The following GLDC variants were observed in gnomAD, a reference collection of about 807,000 sequenced individuals.
GLDC encodes the protein glycine decarboxylase.
In GLDC, 104 loss-of-function variants were observed where a neutral mutation model predicts 121.3. The ratio of observed to expected loss-of-function variants is 0.86; its 90% CI spans 0.73 to 1.01. The LOEUF is 1.01. Among genes scored for constraint, GLDC ranks in the 50% least tolerant of loss-of-function variants. The pLI is 0.00. For missense variants in GLDC, 1,429 were observed against 1,306.6 expected, an observed-to-expected ratio of 1.09 and a Z score of -1.44; for synonymous variants, 546 against 480.6, an observed-to-expected ratio of 1.14 and a Z score of -1.78.
At chr9:6,604,553 T>G (rs1818690651) in intron 7 of GLDC, 35 bp downstream of exon 7, 2 of 1,551,970 alleles carry the variant, frequency 1.3e-6, no homozygotes, top group African/African-American at 2.7e-5. Flanking sequence ...GAAATCATAA[T>G]CACAATAAAA....
intron 2 of GLDC, among the ~76,000 whole-genome samples, chr9:6,633,325 T>A (rs1819430078): frequency 1.3e-5 from 2 of 152,088 alleles, no homozygotes; most frequent in African/African-American, 4.8e-5. Flanking sequence ...TTCCCCACAC[T>A]CCATCCCTGG....
intron 2 of GLDC, among the ~76,000 whole-genome samples, chr9:6,632,783 T>C (rs955666997): frequency 6.6e-6 from 1 of 152,224 alleles, no homozygotes; most frequent in African/African-American, 2.4e-5. Flanking sequence ...CTCACTGAGC[T>C]GACTAGTGGA....
intron 2 of GLDC, among the ~76,000 whole-genome samples, chr9:6,621,268 T>C (rs1447874485): frequency 6.6e-6 from 1 of 152,210 alleles, no homozygotes; most frequent in Non-Finnish European, 1.5e-5. Flanking sequence ...TGTACTTGGA[T>C]GCAGGTGGGA....
chr9:6,553,054 T>C lies in GLDC; in HGVS notation c.2457+314A>G, dbSNP rs4512434. ...ATAAATCCTGCAGGAAACCAAAGGA[T>C]GCGGCCAGAACATCCATATGACTCA... On this transcript the variant is annotated intron_variant, in intron 20 of 24. Coordinates refer to ENST00000321612, the MANE Select transcript of GLDC (RefSeq NM_000170.3). Among the ~76,000 whole-genome samples the C allele has an allele frequency of 0.26, 39,881 of 152,016 alleles. 5,602 individuals carry two copies. The highest frequency in any genetic ancestry group is 0.32 in the South Asian group (1,521 of 4,798).
Position 6,556,257 on chromosome 9 carries a change from G to C in GLDC, c.2098C>G (p.Pro700Ala), listed in dbSNP as rs386833539. 1 of 1,612,848 alleles carries C rather than the reference G, an allele frequency of 6.2e-7. No individual in the cohort carries two copies. The highest frequency in any genetic ancestry group is 8.5e-7 in the Non-Finnish European group (1 of 1,178,836). ...TCTTCAAACACCCCATTGGTGGATG[G>C]GTATGTAATCATGATAGCTGCTAGG... The part of the protein sequence containing the change: ...ENLAAIMITY[P>A]STNGVFEENI... Residue 700 changes from proline to alanine, a missense_variant, in exon 18 of 25, where the codon CCA (proline) becomes GCA (alanine). By Grantham distance (27) the Pro-to-Ala change is conservative (BLOSUM62 -1). Transcript: ENST00000321612.
intron 3 of GLDC, among the ~76,000 whole-genome samples, chr9:6,612,204 CACACAA>C (rs1216150614): frequency 2.6e-5 from 4 of 151,306 alleles, no homozygotes; most frequent in East Asian, 3.9e-4. Context: ...CTCACACACA[CACACAA>C]ACACACACTC....
chr9:6,598,901 C>T (rs1818542797), intron 8 of GLDC, among the ~76,000 whole-genome samples: 1 of 152,200 alleles, frequency 6.6e-6, no homozygotes, highest in South Asian at 2.1e-4. Flanking sequence ...GAACATAAGG[C>T]CGGGCACAAT....
intron 2 of GLDC, among the ~76,000 whole-genome samples, chr9:6,641,598 T>G (rs981751457): frequency 2.0e-5 from 3 of 152,218 alleles, no homozygotes; most frequent in Admixed American, 6.5e-5. Context: ...ATGCATCATC[T>G]GAATATCACG....
intron 15 of GLDC, among the ~76,000 whole-genome samples, 194 bp downstream of exon 15, chr9:6,586,947 C>T (rs1476925425): frequency 6.6e-6 from 1 of 152,192 alleles, no homozygotes; most frequent in Non-Finnish European, 1.5e-5. Context: ...AATGCACTCC[C>T]AGCCCACAGC....
chr9:6,620,372 CTAAT>C (rs1446011474), intron 2 of GLDC, 53 bp from the exon 3 acceptor site: 1 of 1,470,258 alleles, frequency 6.8e-7, no homozygotes, highest in Non-Finnish European at 9.5e-7. Context: ...GAAAAGAGCT[CTAAT>C]TACAGTTTAA....
At chr9:6,555,818 A>G (rs185487940) in intron 18 of GLDC, among the ~76,000 whole-genome samples, 3 of 152,026 alleles carry the variant, frequency 2.0e-5, no homozygotes, top group Non-Finnish European at 4.4e-5. Flanking sequence ...AAGAAAAAGG[A>G]AAAAAGCAAA....
chr9:6,623,976 C>T (rs577891178), intron 2 of GLDC, among the ~76,000 whole-genome samples: 41 of 152,302 alleles, frequency 2.7e-4, no homozygotes, highest in African/African-American at 7.5e-4. Context: ...CCCTGTTCTG[C>T]GTTGGTCCAG....
intron 15 of GLDC, among the ~76,000 whole-genome samples, chr9:6,582,712 C>T (rs574545684): frequency 1.1e-3 from 166 of 151,850 alleles, no homozygotes; most frequent in African/African-American, 3.7e-3. Context: ...GCCTGTAGTC[C>T]CAGCTACTCG....
intron 3 of GLDC, among the ~76,000 whole-genome samples, chr9:6,617,517 G>C (rs912288291): frequency 1.3e-5 from 2 of 152,006 alleles, no homozygotes; most frequent in Non-Finnish European, 2.9e-5. Flanking sequence ...AATTAACCTT[G>C]GAATTTACCA....
chr9:6,619,193 C>CTTATCTAACTG (rs1487951464), intron 3 of GLDC, among the ~76,000 whole-genome samples: 2 of 139,584 alleles, frequency 1.4e-5, no homozygotes, highest in Middle Eastern at 4.2e-3. Flanking sequence ...GTAGGAGTGA[C>CTTATCTAACTG]TTATCTAACT....
chr9:6,609,103 G>A (rs1404577490), intron 4 of GLDC, among the ~76,000 whole-genome samples: 2 of 152,184 alleles, frequency 1.3e-5, no homozygotes, highest in African/African-American at 4.8e-5. Context: ...CAGCATGTGT[G>A]CGTCTTTCCC....
rs144595724 is a variant in GLDC, at chr9:6,563,154, C to T, written c.1926+2200G>A. Among the ~76,000 whole-genome samples the T allele has an allele frequency of 7.2e-5, 11 of 152,312 alleles. No homozygotes were observed. In the East Asian group the frequency reaches 7.7e-4, roughly 11 times the overall value. On this transcript the variant is annotated intron_variant, in intron 16 of 24. Transcript: ENST00000321612. Reference sequence around the variant, plus strand: ...GGAACCAGAAAGAATCCACAAGTCACGGAAGAACCCCGCCCAGGCCAAACC... The same window carrying T: ...GGAACCAGAAAGAATCCACAAGTCATGGAAGAACCCCGCCCAGGCCAAACC...
chr9:6,607,499 T>G (rs1300170220), intron 4 of GLDC, among the ~76,000 whole-genome samples: 2 of 151,946 alleles, frequency 1.3e-5, no homozygotes, highest in African/African-American at 2.4e-5. Flanking sequence ...GGAGAATTGC[T>G]TGAACCCGGG....
At chr9:6,645,129 G>A in intron 1 of GLDC, 116 bp downstream of exon 1, 1 of 1,076,344 alleles carries the variant, frequency 9.3e-7, no homozygotes, top group Non-Finnish European at 1.3e-6. Context: ...CCGGGACCCA[G>A]GGTGCGGGGA....
Sources: gnomAD v4.1 joint callset for allele counts (sites outside exome capture counted in the v4.1 genomes callset) on GRCh38, gnomAD v4.1.1 for gene constraint, MANE v1.5 for transcripts, NCBI Gene and HGNC (gene_info 2026-07-23, HGNC 2026-07-21) for gene names.